Variants in GHRH observed in about 807,000 individuals in gnomAD.
GHRH encodes the protein somatoliberin.
In GHRH, 7 loss-of-function variants were observed where a neutral mutation model predicts 15.6. That is an observed-to-expected ratio of 0.45 (90% CI 0.26 to 0.84). The LOEUF is 0.84. Among genes scored for constraint, GHRH ranks in the 40% least tolerant of loss-of-function variants. The pLI, the probability that GHRH is intolerant of heterozygous loss-of-function variation, is 0.18. For synonymous variants in GHRH, 54 were observed against 50.4 expected (o/e 1.07, Z -0.30); for missense variants, 117 against 138.0 (o/e 0.85, Z 0.76).
At position 37,256,801 on chromosome 20, in the gene GHRH, G is replaced by C. The variant is rs544008789; in HGVS notation, c.83+6C>G. 1.2e-6 allele frequency: 2 copies of C among 1,607,782 alleles called. No individual in the cohort carries two copies. The highest frequency in any genetic ancestry group is 1.7e-6 in the Non-Finnish European group (2 of 1,176,026). On this transcript the variant is annotated splice_donor_region_variant and intron_variant, in intron 2 of 4. Transcript: ENST00000373614. ...GTGGTGGGAACTTTCCCCAGGGTCTGCTTACCTGAGGGTCAAAGGGGGAGG... is the reference window on the plus strand; with the variant it reads ...GTGGTGGGAACTTTCCCCAGGGTCTCCTTACCTGAGGGTCAAAGGGGGAGG...
intron 3 of GHRH, among the ~76,000 whole-genome samples, chr20:37,255,038 G>A (rs914460618): frequency 1.3e-5 from 2 of 152,136 alleles, no homozygotes; most frequent in Non-Finnish European, 2.9e-5. Flanking sequence ...CTTTGGTTAG[G>A]TATTAGGAAA....
chr20:37,252,295 T>G (rs2068625897), intron 4 of GHRH, among the ~76,000 whole-genome samples: 1 of 152,216 alleles, frequency 6.6e-6, no homozygotes, highest in African/African-American at 2.4e-5. Flanking sequence ...TCCTGTCATC[T>G]GCCGTAGGCC....
At chr20:37,257,789 C>T (rs751547368) in intron 1 of GHRH, among the ~76,000 whole-genome samples, 1 of 152,220 alleles carries the variant, frequency 6.6e-6, no homozygotes, top group Non-Finnish European at 1.5e-5. Flanking sequence ...GTAACTAGAC[C>T]TCCTACTTCG....
chr20:37,253,974 C>A (rs543967117), intron 4 of GHRH, among the ~76,000 whole-genome samples: 2 of 152,322 alleles, frequency 1.3e-5, no homozygotes, highest in Non-Finnish European at 2.9e-5. Context: ...TGGTCTTGAA[C>A]TCCCGACCTC....
chr20:37,255,660 C>CAAAA (rs61126074), intron 3 of GHRH, among the ~76,000 whole-genome samples: 337 of 14,712 alleles, frequency 0.023, 33 homozygotes, highest in African/African-American at 0.077. Flanking sequence ...GACTCCATCT[C>CAAAA]AAAAAAAAAA....
intron 4 of GHRH, among the ~76,000 whole-genome samples, chr20:37,251,939 T>A (rs190920114): frequency 1.6e-4 from 25 of 152,322 alleles, no homozygotes; most frequent in African/African-American, 5.8e-4. Context: ...CTGCCAGCTC[T>A]GCGGGCTCTG....
At chr20:37,253,524 C>T (rs2068635360) in intron 4 of GHRH, among the ~76,000 whole-genome samples, 1 of 152,210 alleles carries the variant, frequency 6.6e-6, no homozygotes, top group Non-Finnish European at 1.5e-5. Flanking sequence ...TGGCTCCGCA[C>T]TGGGATACAG....
Position 37,254,308 on chromosome 20 carries a change from T to C in GHRH, c.210A>G (p.Gly70=). 1 of 1,614,128 alleles carries C rather than the reference T, an allele frequency of 6.2e-7. No homozygotes were observed. Among genetic ancestry groups the C allele is most frequent in the Non-Finnish European group, 8.5e-7 (1 of 1,179,962 alleles). ...RQQGESNQER[G]ARARLGRQVD... ...CCTGACGACCAAGCCGTGCCCTTGCTCCTCGCTCTTGGTTGCTCTCTCTGT... is the reference window on the plus strand; with the variant it reads ...CCTGACGACCAAGCCGTGCCCTTGCCCCTCGCTCTTGGTTGCTCTCTCTGT... Residue 70 remains glycine, a synonymous_variant, in exon 4 of 5, where the codon GGA becomes GGG. Transcript: ENST00000373614.
intron 1 of GHRH, among the ~76,000 whole-genome samples, chr20:37,257,506 C>T (rs1431951450): frequency 1.4e-5 from 2 of 143,742 alleles, no homozygotes; most frequent in Non-Finnish European, 3.0e-5. Flanking sequence ...AAAGTGAGAC[C>T]CTGTCTCAAA....
At chr20:37,260,840 C>T (rs767846259) in intron 1 of GHRH, among the ~76,000 whole-genome samples, 3 of 152,180 alleles carry the variant, frequency 2.0e-5, no homozygotes, top group Non-Finnish European at 4.4e-5. Context: ...CCGTTGGCAC[C>T]TTTTGCCAGC....
At chr20:37,253,792 C>G (rs1569011441) in intron 4 of GHRH, among the ~76,000 whole-genome samples, 1 of 152,082 alleles carries the variant, frequency 6.6e-6, no homozygotes, top group Non-Finnish European at 1.5e-5. Flanking sequence ...GCTCTGTCAC[C>G]CAGGCTGGAG....
chr20:37,255,693 T>G (rs2068652076), intron 3 of GHRH, among the ~76,000 whole-genome samples: 1 of 142,026 alleles, frequency 7.0e-6, no homozygotes, highest in Non-Finnish European at 1.5e-5. Context: ...AAAAGAGCTA[T>G]TAACCCTGTA....
At chr20:37,259,191 T>A (rs984993407) in intron 1 of GHRH, among the ~76,000 whole-genome samples, 3 of 152,182 alleles carry the variant, frequency 2.0e-5, no homozygotes, top group Admixed American at 1.3e-4. Context: ...GCTGGCTGTG[T>A]AACATCCGCC....
In GHRH at chr20:37,259,053, T is replaced by C. The variant is rs540408617; in HGVS notation, c.-19-2145A>G. On this transcript the variant is annotated intron_variant, in intron 1 of 4. Transcript: ENST00000373614. ...CAATGCCAGGCCCAGGCAGTTCTTA[T>C]TGTTAGGAAGTTTGTCTCACCATGT... Among the ~76,000 whole-genome samples, 322 of 152,292 alleles carry C rather than the reference T, an allele frequency of 2.1e-3. 1 individual carries two copies. Among genetic ancestry groups the C allele is most frequent in the Middle Eastern group, 6.8e-3 (2 of 294 alleles).
intron 1 of GHRH, among the ~76,000 whole-genome samples, chr20:37,259,093 C>T (rs2068673981): frequency 6.6e-6 from 1 of 152,132 alleles, no homozygotes; most frequent in African/African-American, 2.4e-5. Context: ...CCCAAATCTC[C>T]TTCTCCTGCA....
intron 3 of GHRH, among the ~76,000 whole-genome samples, chr20:37,256,032 A>C (rs1245428736): frequency 6.6e-6 from 1 of 152,202 alleles, no homozygotes; most frequent in Non-Finnish European, 1.5e-5. Flanking sequence ...TCTCTAAAAA[A>C]AAGAAAGCAA....
At chr20:37,256,962 C>T in intron 1 of GHRH, 54 bp from the exon 2 acceptor site, 1 of 1,084,160 alleles carries the variant, frequency 9.2e-7, no homozygotes, top group Non-Finnish European at 1.4e-6. Flanking sequence ...TTGGGATGGC[C>T]TTCACTGGCC....
At chr20:37,253,627 C>T (rs990026575) in intron 4 of GHRH, among the ~76,000 whole-genome samples, 5 of 152,288 alleles carry the variant, frequency 3.3e-5, no homozygotes, top group Middle Eastern at 3.4e-3. Context: ...CTGATTGAGA[C>T]GGGATCTCAC....
At position 37,258,188 on chromosome 20, in the gene GHRH, G is replaced by C. The variant is rs555792864; in HGVS notation, c.-19-1280C>G. On this transcript the variant is annotated intron_variant, in intron 1 of 4. Transcript: ENST00000373614. The surrounding 1 kb of genome is among the most constrained non-coding windows in gnomAD (Gnocchi z 4.1). Reference sequence around the variant, plus strand: ...CAGACCTGCCCAAGCATGGAAACACGGCTGGCCTCGGGGGACTTGGCCACC... The same window carrying C: ...CAGACCTGCCCAAGCATGGAAACACCGCTGGCCTCGGGGGACTTGGCCACC... Among the ~76,000 whole-genome samples, 1 of 152,232 alleles carries C rather than the reference G, an allele frequency of 6.6e-6. No homozygotes were observed. Among genetic ancestry groups the C allele is most frequent in the Non-Finnish European group, 1.5e-5 (1 of 68,038 alleles).
Sources: allele counts gnomAD v4.1 joint callset (sites outside exome capture counted in the v4.1 genomes callset), GRCh38; gene constraint gnomAD v4.1.1; non-coding constraint Gnocchi (gnomAD v3.1); transcripts MANE v1.5; gene names NCBI Gene and HGNC (gene_info 2026-07-23, HGNC 2026-07-21).